The following NR2F1 variants were observed in gnomAD, a reference collection of about 807,000 sequenced individuals.
NR2F1 encodes COUP transcription factor 1.
A neutral mutation model predicts 37.7 loss-of-function variants in NR2F1; 1 was observed. The observed-to-expected ratio is 0.03, with a 90% CI of 0.01 to 0.13. The LOEUF is 0.13. NR2F1 is among the 10% of genes least tolerant of loss of function. The pLI, the probability that NR2F1 is intolerant of heterozygous loss-of-function variation, is 1.00. For missense variants in NR2F1, 268 were observed against 578.4 expected, an observed-to-expected ratio of 0.46 and a Z score of 5.50; for synonymous variants, 275 against 259.6, an observed-to-expected ratio of 1.06 and a Z score of -0.57.
In NR2F1 at chr5:93,587,912, G is replaced by T; in HGVS notation, c.464-5G>T. 1 of 1,548,700 alleles carries T rather than the reference G, an allele frequency of 6.5e-7. No individual in the cohort carries two copies. The highest frequency in any genetic ancestry group is 8.7e-7 in the Non-Finnish European group (1 of 1,145,560). On this transcript the variant is annotated splice_polypyrimidine_tract_variant and splice_region_variant and intron_variant, in intron 1 of 2. Transcript: ENST00000327111. The stretch of plus-strand genomic sequence containing the variant: ...TTGCCTCTTTTCTCTCTTTCTTTTT[G>T]TCAGCGGTTCAGCGAGGAAGAATGC...
At chr5:93,586,465 C>T (rs910071753) in intron 1 of NR2F1, among the ~76,000 whole-genome samples, 1 of 152,024 alleles carries the variant, frequency 6.6e-6, no homozygotes, top group Non-Finnish European at 1.5e-5. Context: ...GTTCATGTGG[C>T]AAGAGATGCA....
rs1161071302 is a variant in NR2F1, at chr5:93,585,073, G to C, written c.50G>C (p.Gly17Ala). Residue 17 changes from glycine to alanine, a missense_variant, in exon 1 of 3, where the codon GGG (glycine) becomes GCG (alanine). By Grantham distance (60) the Gly-to-Ala change is moderately conservative. Transcript: ENST00000327111. ...SWRDPQDDVA[G>A]GNPGGPNPAA... ...CGAGATCCGCAGGACGACGTGGCCGGGGGCAACCCCGGCGGCCCCAACCCC... is the reference window on the plus strand; with the variant it reads ...CGAGATCCGCAGGACGACGTGGCCGCGGGCAACCCCGGCGGCCCCAACCCC... 5 of 1,031,494 alleles carry C rather than the reference G, an allele frequency of 4.8e-6. No individual in the cohort carries two copies. Among genetic ancestry groups the C allele is most frequent in the Non-Finnish European group, 5.8e-6 (5 of 861,256 alleles). 63.9% of individuals were successfully genotyped at this position (1,031,494 alleles called of 1,614,324 possible).
In NR2F1 at chr5:93,593,698, G is replaced by A. The variant is rs779735831; in HGVS notation, c.1128G>A (p.Ser376=). 12 of 1,614,172 alleles carry A rather than the reference G, an allele frequency of 7.4e-6. No individual in the cohort carries two copies. Among genetic ancestry groups the A allele is most frequent in the Middle Eastern group, 1.6e-4 (1 of 6,062 alleles). Reference sequence around the variant, plus strand: ...GCAAACTGCTGCTGCGACTGCCCTCGCTGCGCACCGTGTCCTCCTCCGTCA... The same window carrying A: ...GCAAACTGCTGCTGCGACTGCCCTCACTGCGCACCGTGTCCTCCTCCGTCA... ...RFGKLLLRLP[S]LRTVSSSVIE... is the part of the protein sequence containing the mutation. Residue 376 remains serine (S), a synonymous_variant, in exon 3 of 3, where the codon TCG becomes TCA. Transcript: ENST00000327111. This position sits in a 1 kb window ranked among gnomAD's most constrained non-coding sequence, Gnocchi z 5.6.
chr5:93,591,582 G>A (rs1561526335), intron 2 of NR2F1, among the ~76,000 whole-genome samples: 1 of 152,122 alleles, frequency 6.6e-6, no homozygotes, highest in Non-Finnish European at 1.5e-5. Context: ...GTCTCTCTTG[G>A]AGCGGCCTGT....
chr5:93,591,484 A>C (rs1251309805), intron 2 of NR2F1, among the ~76,000 whole-genome samples: 1 of 152,176 alleles, frequency 6.6e-6, no homozygotes, highest in African/African-American at 2.4e-5. Context: ...CCTGGCAGGC[A>C]GGCCCAGCTA....
chr5:93,585,275 C>G lies in NR2F1; in HGVS notation c.252C>G (p.Ile84Met), dbSNP rs368393456. 1 of 1,598,176 alleles carries G rather than the reference C, an allele frequency of 6.3e-7. No individual in the cohort carries two copies. The highest frequency in any genetic ancestry group is 8.5e-7 in the Non-Finnish European group (1 of 1,172,430). ...PPGSGQSQQH[I>M]ECVVCGDKSS... ...GTTCGGGCCAGAGCCAGCAGCACAT[C>G]GAGTGCGTGGTGTGCGGGGACAAGT... Residue 84 changes from isoleucine (I) to methionine (M), a missense_variant, in exon 1 of 3, where the codon ATC becomes ATG. Physicochemically the swap from Ile to Met is conservative, Grantham distance 10. Transcript: ENST00000327111.
At position 93,585,131 on chromosome 5, in the gene NR2F1, C is replaced by G; in HGVS notation, c.108C>G (p.Gly36=). 4 of 1,026,922 alleles carry G rather than the reference C, an allele frequency of 3.9e-6. No homozygotes were observed. Among genetic ancestry groups the G allele is most frequent in the Non-Finnish European group, 4.7e-6 (4 of 858,102 alleles). The allele number at this position is 1,026,922 out of a possible 1,614,324, so 63.6% of individuals were successfully genotyped here. The change falls in exon 1 of 3, where the codon GGC becomes GGG. Residue 36 remains glycine, a synonymous_variant. Coordinates refer to ENST00000327111, the MANE Select transcript of NR2F1 (RefSeq NM_005654.6). ...AAQAARGGGG[G]AGEQQQQAGS... ...AGGCGGCCCGCGGCGGCGGCGGCGG[C>G]GCCGGCGAGCAGCAGCAGCAGGCGG...
At chr5:93,586,133 G>T (rs1486977996) in intron 1 of NR2F1, among the ~76,000 whole-genome samples, 1 of 151,156 alleles carries the variant, frequency 6.6e-6, no homozygotes, top group African/African-American at 2.5e-5. Context: ...CACGGAGCTG[G>T]GGCCGCCTCC....
In NR2F1 at chr5:93,583,526, GA is replaced by G. The variant is rs969739836; in HGVS notation, c.-1488del. 2.5e-4 allele frequency: 37 copies of G among 145,704 alleles called. No individual in the cohort carries two copies. The highest frequency in any genetic ancestry group is 6.3e-3 in the Middle Eastern group (2 of 320). The allele number at this position is 145,704 out of a possible 1,614,324, so 9.0% of individuals were successfully genotyped here. A position where few individuals can be genotyped will look rare whatever the true frequency, so the allele number is the denominator to read the frequency against. On this transcript the variant is annotated 5_prime_UTR_variant, in exon 1 of 3. Transcript: ENST00000327111. ...CAGAAGAGAGAGGGCTAAACTTAAA[GA>G]AAAAAAAAAGGAGGAGGAGGAGGAG...
At chr5:93,590,783 G>A (rs777936874) in intron 2 of NR2F1, among the ~76,000 whole-genome samples, 21 of 152,228 alleles carry the variant, frequency 1.4e-4, no homozygotes, top group Non-Finnish European at 2.2e-4. Context: ...ATTTGAAGCT[G>A]GCACGGGGGT....
chr5:93,591,354 A>G (rs1753326129), intron 2 of NR2F1, among the ~76,000 whole-genome samples: 1 of 152,156 alleles, frequency 6.6e-6, no homozygotes, highest in Non-Finnish European at 1.5e-5. Flanking sequence ...GGGAGCTCAT[A>G]CCTTCTGTCC....
chr5:93,585,202 C>T lies in NR2F1; in HGVS notation c.179C>T (p.Ala60Val), dbSNP rs1249280454. Residue 60 changes from alanine (A) to valine (V), a missense_variant, in exon 1 of 3, where the codon GCG (alanine) becomes GTG (valine). By Grantham distance (64) the Ala-to-Val change is moderately conservative. Around this residue, in one of 5 missense-constraint regions of NR2F1, gnomAD observed 90 missense variants for 106.5 expected, o/e 0.85. Coordinates refer to ENST00000327111, the MANE Select transcript of NR2F1 (RefSeq NM_005654.6). ...CCGCAGACCCCGGGCCAGCCCGGAG[C>T]GCCCGCCACCCCCGGCACGGCGGGG... ...HTPQTPGQPG[A>V]PATPGTAGDK... The T allele has an allele frequency of 6.5e-7, 1 of 1,537,562 alleles. No individual in the cohort carries two copies. Among genetic ancestry groups the T allele is most frequent in the Non-Finnish European group, 8.8e-7 (1 of 1,142,714 alleles).
rs1314423790 is a variant in NR2F1, at chr5:93,584,664, G to A, written c.-360G>A. On this transcript the variant is annotated 5_prime_UTR_variant, in exon 1 of 3. Coordinates refer to ENST00000327111, the MANE Select transcript of NR2F1 (RefSeq NM_005654.6). ...GGAGAGCGCGGCCCCCCCAGGAACG[G>A]AGCGCGGGGGGAGCGGGCGAGGGGA... 1 of 147,604 alleles carries A rather than the reference G, an allele frequency of 6.8e-6. No individual in the cohort carries two copies. The highest frequency in any genetic ancestry group is 2.5e-5 in the African/African-American group (1 of 40,752). 9.1% of individuals were successfully genotyped at this position (147,604 alleles called of 1,614,324 possible).
intron 2 of NR2F1, among the ~76,000 whole-genome samples, chr5:93,589,359 C>T (rs1419657410): frequency 1.3e-5 from 2 of 152,142 alleles, no homozygotes; most frequent in African/African-American, 2.4e-5. Context: ...TCTGAGCCTC[C>T]GAGAACAATC....
At chr5:93,586,069 C>T (rs1298710994) in intron 1 of NR2F1, among the ~76,000 whole-genome samples, 1 of 152,046 alleles carries the variant, frequency 6.6e-6, no homozygotes, top group Non-Finnish European at 1.5e-5. Flanking sequence ...ACTTGTAGGT[C>T]TAATTAGGGG....
In NR2F1 at chr5:93,584,277, G is replaced by GGCGGCAGCTCCA. The variant is rs1266202922; in HGVS notation, c.-741_-730dup. The GGCGGCAGCTCCA allele has an allele frequency of 6.7e-6, 1 of 149,112 alleles. No homozygotes were observed. The highest frequency in any genetic ancestry group is 2.4e-5 in the African/African-American group (1 of 40,960). 9.2% of individuals were successfully genotyped at this position (149,112 alleles called of 1,614,324 possible). A position where few individuals can be genotyped will look rare whatever the true frequency, so the allele number is the denominator to read the frequency against. ...CAGCGGCGCTCGCCGCAGCAGCTCC[G>GGCGGCAGCTCCA]GCGGCAGCTCCAGCGGCGCCTGCAG... On this transcript the variant is annotated 5_prime_UTR_variant, in exon 1 of 3. Transcript: ENST00000327111.
At position 93,584,918 on chromosome 5, in the gene NR2F1, TC is replaced by T. The variant is rs1753200501; in HGVS notation, c.-101del. The T allele has an allele frequency of 1.1e-4, 2 of 18,920 alleles. No homozygotes were observed. The highest frequency in any genetic ancestry group is 2.5e-4 in the Non-Finnish European group (2 of 8,068). The allele number at this position is 18,920 out of a possible 1,614,324, so 1.2% of individuals were successfully genotyped here. ...GGCGCCCGGCGGGCCCCCCGCCCCC[TC>T]CCCCTCCCCCCTTCCCCTTCCCCTT... On this transcript the variant is annotated 5_prime_UTR_variant, in exon 1 of 3. Transcript: ENST00000327111.
intron 1 of NR2F1, among the ~76,000 whole-genome samples, chr5:93,585,864 G>A (rs542943343): frequency 6.6e-6 from 1 of 152,036 alleles, no homozygotes; most frequent in Non-Finnish European, 1.5e-5. Context: ...GCATGAACTT[G>A]GGGAGGGGTG....
chr5:93,591,817 C>A (rs1010096484), intron 2 of NR2F1, among the ~76,000 whole-genome samples: 2 of 152,132 alleles, frequency 1.3e-5, no homozygotes, highest in African/African-American at 4.8e-5. Flanking sequence ...GGGTCTGGGT[C>A]TGAGTGAGGG....
Sources: gnomAD v4.1 joint callset for allele counts (sites outside exome capture counted in the v4.1 genomes callset) on GRCh38, gnomAD v4.1.1 for gene constraint, gnomAD v4.1.1 regional missense constraint, Gnocchi (gnomAD v3.1) non-coding constraint, MANE v1.5 for transcripts, NCBI Gene and HGNC (gene_info 2026-07-23, HGNC 2026-07-21) for gene names.